The following RBPJ variants were observed in gnomAD, a reference collection of about 807,000 sequenced individuals.
RBPJ encodes the protein recombining binding protein suppressor of hairless.
RBPJ carries 9 observed loss-of-function variants against 67.8 expected under a neutral mutation model. The observed-to-expected ratio is 0.13, with a 90% confidence interval of 0.08 to 0.23. The LOEUF (loss-of-function observed/expected upper bound fraction) is 0.23, where lower values mean the gene tolerates loss of function less well. Ranked by LOEUF, RBPJ falls within the 10% of genes least tolerant of loss-of-function variation. RBPJ has a pLI of 1.00. For missense variants in RBPJ, 305 were observed against 595.6 expected (o/e 0.51, Z 5.08); for synonymous variants, 198 against 203.3 (o/e 0.97, Z 0.22).
chr4:26,121,325 A>C, the RBPJ span, among the ~76,000 whole-genome samples: 6 of 152,164 alleles, frequency 3.9e-5, no homozygotes, highest in Non-Finnish European at 8.8e-5. Flanking sequence ...CAATAACTTG[A>C]GAACCAAATA....
intron 1 of RBPJ, among the ~76,000 whole-genome samples, chr4:26,282,136 C>CTTTT (rs869155604): frequency 4.4e-4 from 23 of 51,816 alleles, no homozygotes; most frequent in Admixed American, 8.8e-4. Flanking sequence ...CTCTCTCTCT[C>CTTTT]TTTTTTTTTT....
At position 26,417,096 on chromosome 4, in the gene RBPJ, G is replaced by A. The variant is rs191974970; in HGVS notation, c.321+1456G>A. Among the ~76,000 whole-genome samples the A allele has an allele frequency of 3.3e-4, 50 of 152,300 alleles. 1 individual carries two copies. In the East Asian group the frequency reaches 8.1e-3, roughly 25 times the overall value. On this transcript the variant is annotated intron_variant, in intron 4 of 10. Coordinates refer to ENST00000355476, the MANE Select transcript of RBPJ (RefSeq NM_015874.6). The stretch of plus-strand genomic sequence containing the variant: ...TTTTCTTGTTACCTAGGAAGTCTCA[G>A]AGTTATATGTCTCCAGGCTTCACAT...
intron 1 of RBPJ, among the ~76,000 whole-genome samples, chr4:26,173,557 C>T (rs1008583393): frequency 6.6e-6 from 1 of 152,176 alleles, no homozygotes; most frequent in Non-Finnish European, 1.5e-5. Flanking sequence ...ATTTTATTTA[C>T]GTCTAACCTT....
At chr4:26,165,856 T>C (rs920456985) in intron 1 of RBPJ, among the ~76,000 whole-genome samples, 5 of 132,830 alleles carry the variant, frequency 3.8e-5, no homozygotes, top group African/African-American at 9.1e-5. Flanking sequence ...CCTAATGCTA[T>C]CCCTCCCCCC....
chr4:26,272,826 A>G (rs1409800977), intron 1 of RBPJ: 1 of 390,478 alleles, frequency 2.6e-6, no homozygotes, highest in African/African-American at 2.1e-5. Flanking sequence ...TGCATAATGT[A>G]CTCATTGTTT....
intron 1 of RBPJ, among the ~76,000 whole-genome samples, chr4:26,296,818 C>T (rs1304081742): frequency 6.6e-6 from 1 of 152,184 alleles, no homozygotes; most frequent in Non-Finnish European, 1.5e-5. Context: ...AGCAATTGCG[C>T]TTTCAAGGTC....
chr4:26,123,744 G>A, the RBPJ span, among the ~76,000 whole-genome samples: 8 of 151,458 alleles, frequency 5.3e-5, no homozygotes, highest in South Asian at 6.3e-4. Context: ...TGTTAAAAAC[G>A]AAGACACAAA....
chr4:26,219,891 T>G (rs371228265), intron 1 of RBPJ, among the ~76,000 whole-genome samples: 1 of 151,874 alleles, frequency 6.6e-6, no homozygotes, highest in East Asian at 1.9e-4. Flanking sequence ...TTCTCCTGCC[T>G]CAGCCTCCCA....
intron 1 of RBPJ, among the ~76,000 whole-genome samples, chr4:26,183,406 G>GTTCTTGTTAGTAACCGTCCA (rs1381345839): frequency 3.9e-5 from 6 of 152,182 alleles, no homozygotes; most frequent in Admixed American, 3.9e-4. Context: ...CAGAGCACAC[G>GTTCTTGTTAGTAACCGTCCA]TTCTTGTTAG....
At chr4:26,303,278 A>AATAT (rs766094629) in intron 1 of RBPJ, among the ~76,000 whole-genome samples, 2 of 145,182 alleles carry the variant, frequency 1.4e-5, no homozygotes, top group South Asian at 2.1e-4. Context: ...ATCCATATGA[A>AATAT]ATATATATAT....
At chr4:26,354,107 T>G (rs1468286315) in intron 1 of RBPJ, among the ~76,000 whole-genome samples, 1 of 151,038 alleles carries the variant, frequency 6.6e-6, no homozygotes, top group Non-Finnish European at 1.5e-5. Flanking sequence ...ATTTTTTGTA[T>G]TTTTTAGTAG....
chr4:26,312,864 C>T (rs994570560), intron 1 of RBPJ, among the ~76,000 whole-genome samples: 10 of 152,198 alleles, frequency 6.6e-5, no homozygotes, highest in African/African-American at 2.4e-4. Flanking sequence ...GAATGAACCA[C>T]GAGGCAGTTC....
At chr4:26,304,379 C>A (rs899825649) in intron 1 of RBPJ, among the ~76,000 whole-genome samples, 40 of 152,190 alleles carry the variant, frequency 2.6e-4, no homozygotes, top group Non-Finnish European at 5.4e-4. Context: ...ATTGTTGGGT[C>A]ATAGAGTAAC....
chr4:26,176,612 T>G (rs1716802297), intron 1 of RBPJ, among the ~76,000 whole-genome samples: 2 of 152,268 alleles, frequency 1.3e-5, no homozygotes, highest in South Asian at 4.1e-4. Flanking sequence ...CAAGCCCAGC[T>G]GACGTCCCCC....
chr4:26,354,166 C>G (rs571551660), intron 1 of RBPJ, among the ~76,000 whole-genome samples: 218 of 149,952 alleles, frequency 1.5e-3, no homozygotes, highest in African/African-American at 5.2e-3. Context: ...CTCCTGACCT[C>G]GTGATCCACC....
rs1404884842 is a variant in RBPJ, at chr4:26,430,583, C to T, written c.1148+61C>T. ...GTGAGGGGTGTGGGTACAGGAGATT[C>T]TTTCCTGGCACTGATTGTAATGTAT... On this transcript the variant is annotated intron_variant, in intron 10 of 10. Coordinates refer to ENST00000355476, the MANE Select transcript of RBPJ (RefSeq NM_015874.6). The surrounding 1 kb of genome is among the most constrained non-coding windows in gnomAD (Gnocchi z 4.1). The T allele has an allele frequency of 9.2e-6, 14 of 1,513,766 alleles. No individual in the cohort carries two copies. The South Asian group carries it at 1.5e-4, about 16-fold the overall frequency. 93.8% of individuals were successfully genotyped at this position (1,513,766 alleles called of 1,614,324 possible). A position where few individuals can be genotyped will look rare whatever the true frequency, so the allele number is the denominator to read the frequency against.
chr4:26,348,733 T>G (rs1395514356), intron 1 of RBPJ, among the ~76,000 whole-genome samples: 2 of 152,122 alleles, frequency 1.3e-5, no homozygotes, highest in Non-Finnish European at 2.9e-5. Flanking sequence ...AGACAAGGTC[T>G]CACTTTATCA....
intron 2 of RBPJ, among the ~76,000 whole-genome samples, chr4:26,394,360 A>G (rs1731883048): frequency 2.0e-5 from 3 of 152,098 alleles, no homozygotes; most frequent in East Asian, 1.9e-4. Flanking sequence ...CAAAAATTAC[A>G]TTCTTTCAGG....
upstream of RBPJ, among the ~76,000 whole-genome samples, chr4:26,316,714 C>CACATTGTGTATATATATATAT (rs1722659715): frequency 6.9e-6 from 1 of 144,300 alleles, no homozygotes; most frequent in Non-Finnish European, 1.5e-5. Context: ...TATATATACA[C>CACATTGTGTATATATATATAT]ACACACACAT....
Sources: allele counts gnomAD v4.1 joint callset (sites outside exome capture counted in the v4.1 genomes callset), GRCh38; gene constraint gnomAD v4.1.1; non-coding constraint Gnocchi (gnomAD v3.1); transcripts MANE v1.5; gene names NCBI Gene and HGNC (gene_info 2026-07-23, HGNC 2026-07-21).